ANP32B: variants seen among roughly 807,000 people sequenced by gnomAD.
ANP32B encodes the protein acidic leucine-rich nuclear phosphoprotein 32 family member B.
In ANP32B, 6 loss-of-function variants were observed where a neutral mutation model predicts 32.2. The ratio of observed to expected loss-of-function variants is 0.19; its 90% confidence interval spans 0.10 to 0.37. The LOEUF is 0.37. ANP32B is among the 10% of genes least tolerant of loss of function. ANP32B has a pLI of 1.00. For synonymous variants in ANP32B, 98 were observed against 105.8 expected, an observed-to-expected ratio of 0.93 and a Z score of 0.45; for missense variants, 204 against 289.2, an observed-to-expected ratio of 0.71 and a Z score of 2.14.
rs1309183655 is a variant in ANP32B, at chr9:98,012,408, T to C, written c.637-13T>C. 6.2e-7 allele frequency: 1 copy of C among 1,610,594 alleles called. No homozygotes were observed. The highest frequency in any genetic ancestry group is 8.5e-7 in the Non-Finnish European group (1 of 1,178,776). Reference sequence around the variant, plus strand: ...AGAATTAATTTAATGTTATGCTGTTTGCTATTCTTTAGGAAGAAGAATTTG... The same window carrying C: ...AGAATTAATTTAATGTTATGCTGTTCGCTATTCTTTAGGAAGAAGAATTTG... On this transcript the variant is annotated splice_polypyrimidine_tract_variant and intron_variant, in intron 5 of 6. Transcript: ENST00000339399.
At chr9:98,004,727 T>C (rs1828049136) in intron 3 of ANP32B, among the ~76,000 whole-genome samples, 1 of 152,224 alleles carries the variant, frequency 6.6e-6, no homozygotes, top group African/African-American at 2.4e-5. Flanking sequence ...TTCTTTAGAC[T>C]ACTATGCTGC....
At chr9:97,999,243 G>A (rs887459271) in intron 3 of ANP32B, among the ~76,000 whole-genome samples, 2 of 152,060 alleles carry the variant, frequency 1.3e-5, no homozygotes, top group East Asian at 1.9e-4. Context: ...AATTTTTGGG[G>A]GTATTTTGTT....
Position 98,001,851 on chromosome 9 carries a change from T to TA in ANP32B, c.328-3102dup, listed in dbSNP as rs940444775. ...TTTATGCATGTTTTATTAGTAATTGTAAAAAAAAAAACCTTCGATACAAAG... is the reference window on the plus strand; with the variant it reads ...TTTATGCATGTTTTATTAGTAATTGTAAAAAAAAAAAACCTTCGATACAAAG... On this transcript the variant is annotated intron_variant, in intron 3 of 6. Transcript: ENST00000339399. Among the ~76,000 whole-genome samples the TA allele has an allele frequency of 5.3e-3, 768 of 144,820 alleles. 5 individuals are homozygous for TA. The highest frequency in any genetic ancestry group is 0.015 in the African/African-American group (584 of 39,764).
At chr9:97,999,672 T>G (rs1827958572) in intron 3 of ANP32B, among the ~76,000 whole-genome samples, 1 of 152,220 alleles carries the variant, frequency 6.6e-6, no homozygotes, top group Non-Finnish European at 1.5e-5. Flanking sequence ...CTTACCTCAC[T>G]TAGGAGTTCT....
intron 3 of ANP32B, among the ~76,000 whole-genome samples, chr9:98,000,990 T>A (rs1827981359): frequency 6.6e-6 from 1 of 151,972 alleles, no homozygotes; most frequent in South Asian, 2.1e-4. Flanking sequence ...TTCTTCTCTT[T>A]CCACCTGTAA....
chr9:97,987,048 A>C (rs1827748274), intron 1 of ANP32B, among the ~76,000 whole-genome samples: 1 of 152,116 alleles, frequency 6.6e-6, no homozygotes, highest in South Asian at 2.1e-4. Flanking sequence ...AAGGAAGACA[A>C]GAAGGTAAAC....
intron 3 of ANP32B, among the ~76,000 whole-genome samples, chr9:98,004,262 G>A (rs1828040950): frequency 6.6e-6 from 1 of 152,100 alleles, no homozygotes; most frequent in South Asian, 2.1e-4. Flanking sequence ...TTCAAGGTAT[G>A]GTAAATAAAA....
At chr9:98,008,451 G>A (rs1828125733) in intron 4 of ANP32B, among the ~76,000 whole-genome samples, 1 of 152,210 alleles carries the variant, frequency 6.6e-6, no homozygotes, top group Non-Finnish European at 1.5e-5. Context: ...AATCGACTTT[G>A]TTCATGCTTG....
At chr9:98,013,636 C>T (rs1331719795) in intron 6 of ANP32B, among the ~76,000 whole-genome samples, 1 of 152,118 alleles carries the variant, frequency 6.6e-6, no homozygotes, top group African/African-American at 2.4e-5. Flanking sequence ...TGGTGACTCA[C>T]GCCTGTTATC....
intron 3 of ANP32B, among the ~76,000 whole-genome samples, chr9:98,000,847 A>C (rs921993114): frequency 6.6e-6 from 1 of 150,946 alleles, no homozygotes. Flanking sequence ...ACTTGAACCC[A>C]GGAGGCGAAG....
chr9:97,984,880 C>T (rs1278700057), intron 1 of ANP32B, among the ~76,000 whole-genome samples: 1 of 150,496 alleles, frequency 6.6e-6, no homozygotes, highest in East Asian at 2.0e-4. Flanking sequence ...CGGCTCGGCT[C>T]GTGGGCCGGG....
intron 6 of ANP32B, 25 bp from the exon 7 acceptor site, chr9:98,015,339 A>G: frequency 6.5e-7 from 1 of 1,550,222 alleles, no homozygotes; most frequent in Non-Finnish European, 8.7e-7. Context: ...CCACTGTCCT[A>G]AAGTCAATTT....
At chr9:97,989,161 A>G (rs761825556) in intron 1 of ANP32B, among the ~76,000 whole-genome samples, 15 of 152,132 alleles carry the variant, frequency 9.9e-5, no homozygotes, top group Non-Finnish European at 2.1e-4. Flanking sequence ...TTAAAGAAGG[A>G]CCTCATAGGC....
chr9:98,000,387 A>G (rs375858385), intron 3 of ANP32B, among the ~76,000 whole-genome samples: 7 of 152,126 alleles, frequency 4.6e-5, no homozygotes, highest in African/African-American at 1.7e-4. Context: ...TTTTCCTATT[A>G]CAGGTATACC....
intron 2 of ANP32B, among the ~76,000 whole-genome samples, chr9:97,997,808 G>A (rs939226866): frequency 1.3e-5 from 2 of 152,210 alleles, no homozygotes; most frequent in Non-Finnish European, 2.9e-5. Flanking sequence ...ATGCTTTCCA[G>A]GCTCCAATTC....
intron 3 of ANP32B, among the ~76,000 whole-genome samples, chr9:98,001,192 A>AT (rs756650846): frequency 0.01 from 1,378 of 135,720 alleles, 7 homozygotes; most frequent in African/African-American, 0.018. Context: ...TTCTGGTTTA[A>AT]TTTTTTTTTT....
At chr9:98,015,219 C>T (rs903415740) in intron 6 of ANP32B, 145 bp from the exon 7 acceptor site, 4 of 1,174,268 alleles carry the variant, frequency 3.4e-6, no homozygotes, top group Non-Finnish European at 4.6e-6. Flanking sequence ...CTTATACTTG[C>T]TATTAGTCAC....
intron 1 of ANP32B, among the ~76,000 whole-genome samples, chr9:97,991,105 G>A (rs1827818414): frequency 1.3e-5 from 2 of 149,980 alleles, no homozygotes; most frequent in South Asian, 2.1e-4. Flanking sequence ...TTATAGACGT[G>A]AGCCACCGTG....
At chr9:98,014,056 C>A (rs1377319394) in intron 6 of ANP32B, among the ~76,000 whole-genome samples, 3 of 152,070 alleles carry the variant, frequency 2.0e-5, no homozygotes, top group Non-Finnish European at 4.4e-5. Flanking sequence ...GTTCACTGTG[C>A]TGTTGGCTGA....
Sources: gnomAD v4.1 joint callset for allele counts (sites outside exome capture counted in the v4.1 genomes callset) on GRCh38, gnomAD v4.1.1 for gene constraint, MANE v1.5 for transcripts, NCBI Gene and HGNC (gene_info 2026-07-23, HGNC 2026-07-21) for gene names.